STK3: variants seen among roughly 807,000 people sequenced by gnomAD.
STK3 encodes the protein serine/threonine-protein kinase 3.
Under a neutral mutation model 58.0 loss-of-function variants are expected in STK3, and 41 were observed. The ratio of observed to expected loss-of-function variants is 0.71; its 90% CI spans 0.55 to 0.92. STK3 has a LOEUF of 0.92. STK3 is among the 40% of genes least tolerant of loss of function. STK3 has a pLI of 0.00. For synonymous variants in STK3, 170 were observed against 191.0 expected (o/e 0.89, Z 0.91); for missense variants, 479 against 602.7 (o/e 0.79, Z 2.15).
intron 10 of STK3, among the ~76,000 whole-genome samples, chr8:98,523,400 A>C (rs1437434851): frequency 7.0e-6 from 1 of 142,600 alleles, no homozygotes; most frequent in Admixed American, 7.1e-5. Flanking sequence ...TTTGAGACAG[A>C]GTCTCGCTCT....
At chr8:98,372,443 G>T (rs781121277) in intron 2 of STK3, among the ~76,000 whole-genome samples, 1 of 152,178 alleles carries the variant, frequency 6.6e-6, no homozygotes, top group Non-Finnish European at 1.5e-5. Context: ...ACTCCTGTGA[G>T]ACGACGCAGA....
downstream of STK3, among the ~76,000 whole-genome samples, chr8:98,398,516 C>T (rs1289372451): frequency 6.6e-6 from 1 of 152,192 alleles, no homozygotes; most frequent in Non-Finnish European, 1.5e-5. Flanking sequence ...CCCCAATTCT[C>T]CCATCCCATG....
intron 3 of STK3, among the ~76,000 whole-genome samples, chr8:98,841,762 A>G (rs1405564057): frequency 6.6e-6 from 1 of 151,748 alleles, no homozygotes. Flanking sequence ...TGGAAAATGG[A>G]AAAAGATGAA....
intron 1 of STK3, among the ~76,000 whole-genome samples, chr8:98,922,411 G>A (rs1839599424): frequency 6.6e-6 from 1 of 152,200 alleles, no homozygotes; most frequent in South Asian, 2.1e-4. Flanking sequence ...AGGAACATCT[G>A]TAATGTTTGA....
At chr8:98,823,557 T>C (rs1329285499) in intron 1 of STK3, among the ~76,000 whole-genome samples, 7 of 152,332 alleles carry the variant, frequency 4.6e-5, no homozygotes, top group African/African-American at 1.7e-4. Context: ...GAGCCTCATA[T>C]AATAAGGAAA....
intron 1 of STK3, among the ~76,000 whole-genome samples, chr8:98,939,230 AGAG>A: frequency 6.6e-6 from 1 of 152,316 alleles, no homozygotes; most frequent in East Asian, 1.9e-4. Context: ...ACGGAGGAGG[AGAG>A]AGAGCACGCG....
intron 1 of STK3, chr8:98,437,452 T>G (rs1563605227): frequency 3.9e-5 from 6 of 152,322 alleles, no homozygotes; most frequent in Admixed American, 2.6e-4. Flanking sequence ...CACCCAGGAA[T>G]GCAGCCTACA....
At chr8:98,715,687 C>A (rs570051393) in intron 4 of STK3, among the ~76,000 whole-genome samples, 29 of 152,324 alleles carry the variant, frequency 1.9e-4, no homozygotes, top group Admixed American at 2.0e-4. Flanking sequence ...GTTGATGGGA[C>A]TGTAAACTAG....
At chr8:98,583,863 G>GTC (rs927735341) in intron 7 of STK3, among the ~76,000 whole-genome samples, 5 of 151,968 alleles carry the variant, frequency 3.3e-5, no homozygotes, top group African/African-American at 1.2e-4. Context: ...GTGTGTGTGT[G>GTC]TGTGTGTGTG....
intron 3 of STK3, among the ~76,000 whole-genome samples, chr8:98,843,458 C>A (rs534644629): frequency 2.4e-4 from 36 of 152,310 alleles, no homozygotes; most frequent in South Asian, 2.1e-3. Flanking sequence ...TTCATTCTGA[C>A]ATAGGCAGTG....
intron 8 of STK3, among the ~76,000 whole-genome samples, chr8:98,548,858 T>C (rs2061929305): frequency 6.6e-6 from 1 of 152,204 alleles, no homozygotes; most frequent in Admixed American, 6.6e-5. Context: ...CTATTCTAGA[T>C]ACCTCATGTA....
intron 10 of STK3, among the ~76,000 whole-genome samples, chr8:98,524,465 T>A (rs1280816871): frequency 6.6e-6 from 1 of 152,234 alleles, no homozygotes; most frequent in African/African-American, 2.4e-5. Context: ...CCTAACAATA[T>A]TAAAGCTTAT....
chr8:98,599,341 T>A (rs1368252497), intron 6 of STK3, among the ~76,000 whole-genome samples: 7 of 152,038 alleles, frequency 4.6e-5, no homozygotes, highest in Non-Finnish European at 1.0e-4. Flanking sequence ...ACAGTACAAA[T>A]AAAAGCAAAC....
At chr8:98,868,812 T>A (rs13248483) in intron 3 of STK3, among the ~76,000 whole-genome samples, 9,229 of 150,380 alleles carry the variant, frequency 0.061, 384 homozygotes, top group Non-Finnish European at 0.096. Flanking sequence ...CTACTAAAAA[T>A]AAAAAATAAA....
At chr8:98,893,466 G>GA (rs1491566981) in intron 1 of STK3, among the ~76,000 whole-genome samples, 1 of 84,674 alleles carries the variant, frequency 1.2e-5, no homozygotes, top group Non-Finnish European at 2.2e-5. Flanking sequence ...AAGAAAGAAA[G>GA]AAAGAAAGAA....
intron 3 of STK3, among the ~76,000 whole-genome samples, chr8:98,866,118 T>C (rs1396834778): frequency 1.3e-5 from 2 of 152,248 alleles, no homozygotes; most frequent in African/African-American, 4.8e-5. Flanking sequence ...ATGTTGCTGA[T>C]GGAGCAGAAA....
At chr8:98,721,741 CAAT>C (rs1241483975) in intron 4 of STK3, among the ~76,000 whole-genome samples, 14 of 151,886 alleles carry the variant, frequency 9.2e-5, no homozygotes, top group Non-Finnish European at 1.5e-4. Context: ...CAAATTAAAA[CAAT>C]AAAGTACCAA....
intron 3 of STK3, among the ~76,000 whole-genome samples, chr8:98,757,187 C>CT (rs143609174): frequency 3.9e-4 from 57 of 146,176 alleles, no homozygotes; most frequent in Admixed American, 6.8e-4. Flanking sequence ...ATAAAGCATA[C>CT]TTTTTTTTTT....
At chr8:98,439,883 G>A (rs1055975735) in intron 1 of STK3, among the ~76,000 whole-genome samples, 1 of 152,184 alleles carries the variant, frequency 6.6e-6, no homozygotes, top group Non-Finnish European at 1.5e-5. Context: ...CGCATGTGCT[G>A]GTGTGGGAAG....
Sources: allele counts gnomAD v4.1 joint callset (sites outside exome capture counted in the v4.1 genomes callset), GRCh38; gene constraint gnomAD v4.1.1; transcripts MANE v1.5; gene names NCBI Gene and HGNC (gene_info 2026-07-23, HGNC 2026-07-21).